BMPER: variants seen among roughly 807,000 people sequenced by gnomAD.
The protein encoded by BMPER is BMP binding endothelial regulator.
BMPER carries 45 observed loss-of-function variants against 87.3 expected under a neutral mutation model. That is an observed-to-expected ratio of 0.52 (90% CI 0.41 to 0.66). The LOEUF (loss-of-function observed/expected upper bound fraction) is 0.66, where lower values mean the gene tolerates loss of function less well. BMPER is among the 30% of genes least tolerant of loss of function. BMPER has a pLI of 0.00. For missense variants in BMPER, 784 were observed against 867.5 expected (o/e 0.90, Z 1.21); for synonymous variants, 326 against 316.2 (o/e 1.03, Z -0.33).
intron 6 of BMPER, among the ~76,000 whole-genome samples, chr7:34,008,273 G>A (rs1026604454): frequency 6.6e-6 from 1 of 151,916 alleles, no homozygotes; most frequent in Non-Finnish European, 1.5e-5. Flanking sequence ...GCTTTTATAA[G>A]CAAAGGAAAT....
intron 3 of BMPER, among the ~76,000 whole-genome samples, chr7:33,949,492 G>C (rs1284359277): frequency 6.6e-6 from 1 of 152,000 alleles, no homozygotes; most frequent in Non-Finnish European, 1.5e-5. Flanking sequence ...GGAGTCTCTA[G>C]CTTTACTCTT....
At chr7:34,038,743 T>C (rs1236202672) in intron 6 of BMPER, among the ~76,000 whole-genome samples, 1 of 152,180 alleles carries the variant, frequency 6.6e-6, no homozygotes, top group Non-Finnish European at 1.5e-5. Context: ...GGGGTCTTTG[T>C]TTGCTATTTT....
chr7:34,080,829 C>G (rs550889326), intron 12 of BMPER, among the ~76,000 whole-genome samples: 1 of 152,160 alleles, frequency 6.6e-6, no homozygotes, highest in Non-Finnish European at 1.5e-5. Context: ...CGATAGTGTT[C>G]CATTCGCAGC....
chr7:33,968,019 G>C (rs1474470878), intron 4 of BMPER, among the ~76,000 whole-genome samples: 1 of 152,154 alleles, frequency 6.6e-6, no homozygotes, highest in Non-Finnish European at 1.5e-5. Context: ...ATTATCCATT[G>C]TTAACCCTGA....
chr7:34,092,651 A>G (rs536544281), intron 13 of BMPER, among the ~76,000 whole-genome samples: 2 of 152,290 alleles, frequency 1.3e-5, no homozygotes, highest in South Asian at 4.1e-4. Flanking sequence ...CACCTCACCC[A>G]CAAGTAGGCT....
In BMPER at chr7:34,155,330, T is replaced by C. The variant is rs1421220233; in HGVS notation, c.*2057T>C. The C allele has an allele frequency of 6.6e-6, 1 of 152,182 alleles. No homozygotes were observed. Among genetic ancestry groups the C allele is most frequent in the Non-Finnish European group, 1.5e-5 (1 of 68,026 alleles). 9.4% of individuals were successfully genotyped at this position (152,182 alleles called of 1,614,324 possible). ...AAAGAGGGCAGCATAAGGGAAATGA[T>C]GGAGAAGGGAGAATTGTGGATGGTT... On this transcript the variant is annotated 3_prime_UTR_variant, in exon 15 of 15. Coordinates refer to ENST00000649409, the MANE Select transcript of BMPER (RefSeq NM_001365308.1).
At chr7:34,033,129 G>A (rs576945862) in intron 6 of BMPER, among the ~76,000 whole-genome samples, 2 of 152,260 alleles carry the variant, frequency 1.3e-5, no homozygotes, top group Middle Eastern at 3.4e-3. Flanking sequence ...TTTGGAAGGA[G>A]GATGGAGACC....
chr7:34,017,179 C>T (rs1029216003), intron 6 of BMPER, among the ~76,000 whole-genome samples: 7 of 151,702 alleles, frequency 4.6e-5, no homozygotes, highest in Non-Finnish European at 8.8e-5. Context: ...GAGTCTGGTT[C>T]GGTAGGTGTG....
chr7:34,098,606 C>T (rs150769756), intron 13 of BMPER, among the ~76,000 whole-genome samples: 16 of 152,210 alleles, frequency 1.1e-4, no homozygotes, highest in African/African-American at 3.4e-4. Flanking sequence ...GAACTGGTTT[C>T]TTCATTGTAT....
chr7:34,049,921 T>C (rs561820359), intron 7 of BMPER, among the ~76,000 whole-genome samples: 1 of 152,324 alleles, frequency 6.6e-6, no homozygotes, highest in South Asian at 2.1e-4. Context: ...CATTCATATT[T>C]CTTATTATAA....
intron 13 of BMPER, among the ~76,000 whole-genome samples, chr7:34,119,014 T>TCACACA (rs138792693): frequency 2.5e-4 from 34 of 135,794 alleles, no homozygotes; most frequent in Middle Eastern, 3.6e-3. Flanking sequence ...TCTCTCTCTC[T>TCACACA]CACACACACA....
intron 2 of BMPER, among the ~76,000 whole-genome samples, chr7:33,924,334 T>C (rs1381371768): frequency 6.6e-6 from 1 of 152,256 alleles, no homozygotes; most frequent in Non-Finnish European, 1.5e-5. Context: ...GTATACAAAT[T>C]ATTTGACTTA....
intron 11 of BMPER, among the ~76,000 whole-genome samples, chr7:34,071,016 G>A (rs541868631): frequency 2.1e-4 from 32 of 152,146 alleles, no homozygotes; most frequent in African/African-American, 7.5e-4. Flanking sequence ...ACTCTGGTGC[G>A]ATTGGCCTCC....
At chr7:34,065,463 C>T (rs1404849304) in intron 11 of BMPER, among the ~76,000 whole-genome samples, 1 of 152,134 alleles carries the variant, frequency 6.6e-6, no homozygotes, top group African/African-American at 2.4e-5. Context: ...CCCTGGGGAG[C>T]ACAGTTACCC....
chr7:34,063,018 A>G (rs1253354302), intron 11 of BMPER, among the ~76,000 whole-genome samples: 1 of 152,222 alleles, frequency 6.6e-6, no homozygotes, highest in Non-Finnish European at 1.5e-5. Context: ...TCATTCCCAC[A>G]TGTAGACACA....
At chr7:33,974,435 A>G (rs2128619697) in intron 5 of BMPER, among the ~76,000 whole-genome samples, 1 of 152,198 alleles carries the variant, frequency 6.6e-6, no homozygotes, top group East Asian at 1.9e-4. Flanking sequence ...GACCCCAAGC[A>G]CGGCTCTCTA....
At chr7:33,981,683 C>T (rs979210937) in intron 6 of BMPER, among the ~76,000 whole-genome samples, 3 of 152,102 alleles carry the variant, frequency 2.0e-5, no homozygotes, top group Non-Finnish European at 4.4e-5. Flanking sequence ...CCTTCTCTTC[C>T]CCCACTGCTT....
chr7:33,989,051 T>C (rs1009181290), intron 6 of BMPER, among the ~76,000 whole-genome samples: 2 of 135,548 alleles, frequency 1.5e-5, no homozygotes, highest in African/African-American at 5.8e-5. Context: ...GTCTTTGCTA[T>C]TGTGAATAAT....
intron 2 of BMPER, among the ~76,000 whole-genome samples, chr7:33,914,193 C>T (rs1216956994): frequency 6.6e-6 from 1 of 152,028 alleles, no homozygotes; most frequent in Admixed American, 6.6e-5. Flanking sequence ...TCTCGATCTC[C>T]TGACCTCGTG....
Sources: gnomAD v4.1 joint callset for allele counts (sites outside exome capture counted in the v4.1 genomes callset) on GRCh38, gnomAD v4.1.1 for gene constraint, MANE v1.5 for transcripts, NCBI Gene and HGNC (gene_info 2026-07-23, HGNC 2026-07-21) for gene names.